IL2RA: variants seen among roughly 807,000 people sequenced by gnomAD.
The protein encoded by IL2RA is interleukin 2 receptor subunit alpha.
Under a neutral mutation model 37.8 loss-of-function variants are expected in IL2RA, and 24 were observed. The observed-to-expected ratio is 0.63, with a 90% CI of 0.46 to 0.89. The LOEUF (loss-of-function observed/expected upper bound fraction) is 0.89, where lower values mean the gene tolerates loss of function less well. IL2RA is among the 40% of genes least tolerant of loss of function. The pLI, the probability that IL2RA is intolerant of heterozygous loss-of-function variation, is 0.00. For synonymous variants in IL2RA, 125 were observed against 114.6 expected (o/e 1.09, Z -0.58); for missense variants, 319 against 348.6 (o/e 0.92, Z 0.68).
chr10:6,019,312 CAGTCAACCAACT>C, intron 6 of IL2RA, 104 bp downstream of exon 6: 1 of 811,436 alleles, frequency 1.2e-6, no homozygotes, highest in South Asian at 1.3e-5. Context: ...ATCAACCTAC[CAGTCAACCAACT>C]AACCAACCTA....
Position 6,010,995 on chromosome 10 carries a change from G to A in IL2RA, c.*1877C>T, listed in dbSNP as rs1000912499. The A allele has an allele frequency of 4.6e-5, 7 of 152,298 alleles. No homozygotes were observed. The highest frequency in any genetic ancestry group is 1.7e-4 in the African/African-American group (7 of 41,432). 9.4% of individuals were successfully genotyped at this position (152,298 alleles called of 1,614,324 possible). On this transcript the variant is annotated 3_prime_UTR_variant, in exon 8 of 8. Transcript: ENST00000379959. ...CTCAGAAAACATATACCTGAAGGGG[G>A]AGGGGGAGAGTGCACAGATGAGTCT...
Position 6,021,370 on chromosome 10 carries a change from G to A in IL2RA, c.583+108C>T. On this transcript the variant is annotated intron_variant, in intron 4 of 7. Transcript: ENST00000379959. This position sits in a 1 kb window ranked among gnomAD's most constrained non-coding sequence, Gnocchi z 4.9. ...AAATGGAAGCCCAGGGAGATCAAGG[G>A]TCTTGTCCAAGGACCACTCTTGTCC... 2 of 946,720 alleles carry A rather than the reference G, an allele frequency of 2.1e-6. No individual in the cohort carries two copies. Among genetic ancestry groups the A allele is most frequent in the Non-Finnish European group, 1.7e-6 (1 of 578,508 alleles). 58.6% of individuals were successfully genotyped at this position (946,720 alleles called of 1,614,324 possible).
At chr10:6,027,778 CCTT>C (rs1839508957) in intron 1 of IL2RA, among the ~76,000 whole-genome samples, 1 of 152,122 alleles carries the variant, frequency 6.6e-6, no homozygotes, top group Admixed American at 6.5e-5. Context: ...TTTACCTTAA[CCTT>C]TAACTCCTGC....
Position 6,019,270 on chromosome 10 carries a change from A to G in IL2RA, c.727+158T>C, listed in dbSNP as rs117380338. Among the ~76,000 whole-genome samples the G allele has an allele frequency of 8.9e-4, 136 of 152,218 alleles. No individual in the cohort carries two copies. The East Asian group carries it at 0.02, about 22-fold the overall frequency. On this transcript the variant is annotated intron_variant, in intron 6 of 7. Coordinates refer to ENST00000379959, the MANE Select transcript of IL2RA (RefSeq NM_000417.3). ...AACCAACTAACCTCCCAACCTACGAACCAACTTACCAATCAACTAGCCAAC... is the reference window on the plus strand; with the variant it reads ...AACCAACTAACCTCCCAACCTACGAGCCAACTTACCAATCAACTAGCCAAC...
intron 1 of IL2RA, among the ~76,000 whole-genome samples, chr10:6,045,416 C>T (rs560013536): frequency 6.6e-6 from 1 of 152,066 alleles, no homozygotes; most frequent in Admixed American, 6.5e-5. Context: ...AAGCAGCTGC[C>T]GCTAAACCAT....
At chr10:6,059,824 G>C (rs756228364) in intron 1 of IL2RA, among the ~76,000 whole-genome samples, 2 of 152,040 alleles carry the variant, frequency 1.3e-5, no homozygotes, top group South Asian at 4.2e-4. Context: ...ATAGCCCAAC[G>C]CTCCGTAGAT....
rs993703560 is a variant in IL2RA, at chr10:6,018,562, T to C, written c.728-443A>G. 6.6e-6 allele frequency among the ~76,000 whole-genome samples: 1 copy of C among 152,316 alleles called. No homozygotes were observed. The highest frequency in any genetic ancestry group is 2.4e-5 in the African/African-American group (1 of 41,558). ...TCTAGGCAGATGCAGACTCAGAGTCTGTTTTTCCCTCCTACCAGGAAACAA... is the reference window on the plus strand; with the variant it reads ...TCTAGGCAGATGCAGACTCAGAGTCCGTTTTTCCCTCCTACCAGGAAACAA... On this transcript the variant is annotated intron_variant, in intron 6 of 7. Coordinates refer to ENST00000379959, the MANE Select transcript of IL2RA (RefSeq NM_000417.3). This position sits in a 1 kb window ranked among gnomAD's most constrained non-coding sequence, Gnocchi z 5.1.
chr10:6,022,736 T>C lies in IL2RA; in HGVS notation c.368-1043A>G, dbSNP rs1839407750. On this transcript the variant is annotated intron_variant, in intron 3 of 7. Coordinates refer to ENST00000379959, the MANE Select transcript of IL2RA (RefSeq NM_000417.3). The surrounding 1 kb of genome is among the most constrained non-coding windows in gnomAD (Gnocchi z 4.7). ...TCGTAACTGTCTGAACATGTTTGAATTGGGTTTGCTTCTTTCCAATGAAAA... is the reference window on the plus strand; with the variant it reads ...TCGTAACTGTCTGAACATGTTTGAACTGGGTTTGCTTCTTTCCAATGAAAA... Among the ~76,000 whole-genome samples, 1 of 152,260 alleles carries C rather than the reference T, an allele frequency of 6.6e-6. No homozygotes were observed. Among genetic ancestry groups the C allele is most frequent in the Non-Finnish European group, 1.5e-5 (1 of 68,042 alleles).
In IL2RA at chr10:6,051,494, AATATAT is replaced by A. The variant is rs34016017; in HGVS notation, c.64+10588_64+10593del. On this transcript the variant is annotated intron_variant, in intron 1 of 7. Transcript: ENST00000379959. ...ATTTCATGAGGAGAAAATACACACA[AATATAT>A]ATATATATATATATATATTTTTTTT... Among the ~76,000 whole-genome samples, 557 of 81,942 alleles carry A rather than the reference AATATAT, an allele frequency of 6.8e-3. 2 individuals are homozygous for A. The highest frequency in any genetic ancestry group is 0.027 in the Middle Eastern group (4 of 150). 53.8% of individuals were successfully genotyped at this position (81,942 alleles called of 152,430 possible).
rs1216451563 is a variant in IL2RA at position 6,047,243 on chromosome 10, GC to G, written c.64+14844del. Among the ~76,000 whole-genome samples, 1 of 152,202 alleles carries G rather than the reference GC, an allele frequency of 6.6e-6. No individual in the cohort carries two copies. The highest frequency in any genetic ancestry group is 1.5e-5 in the Non-Finnish European group (1 of 68,034). On this transcript the variant is annotated intron_variant, in intron 1 of 7. Coordinates refer to ENST00000379959, the MANE Select transcript of IL2RA (RefSeq NM_000417.3). The surrounding 1 kb of genome is among the most constrained non-coding windows in gnomAD (Gnocchi z 5.0). ...CCAAGGAACAACCCCCATGCCAACAGCACTCCATCCCGACCTCATACCATGT... is the reference window on the plus strand; with the variant it reads ...CCAAGGAACAACCCCCATGCCAACAGACTCCATCCCGACCTCATACCATGT...
At position 6,033,527 on chromosome 10, in the gene IL2RA, C is replaced by A. The variant is rs1839634619; in HGVS notation, c.65-7502G>T. 6.6e-6 allele frequency among the ~76,000 whole-genome samples: 1 copy of A among 151,886 alleles called. No homozygotes were observed. The highest frequency in any genetic ancestry group is 1.5e-5 in the Non-Finnish European group (1 of 67,982). On this transcript the variant is annotated intron_variant, in intron 1 of 7. Transcript: ENST00000379959. The surrounding 1 kb of genome is among the most constrained non-coding windows in gnomAD (Gnocchi z 4.3). ...ACATAGTAGCTTTATTAATAATAACCAACTCAATAATTCAAACATCCATCA... is the reference window on the plus strand; with the variant it reads ...ACATAGTAGCTTTATTAATAATAACAAACTCAATAATTCAAACATCCATCA...
Position 6,047,543 on chromosome 10 carries a change from A to G in IL2RA, c.64+14545T>C, listed in dbSNP as rs1839884646. Among the ~76,000 whole-genome samples the G allele has an allele frequency of 6.6e-6, 1 of 152,186 alleles. No individual in the cohort carries two copies. Among genetic ancestry groups the G allele is most frequent in the African/African-American group, 2.4e-5 (1 of 41,440 alleles). On this transcript the variant is annotated intron_variant, in intron 1 of 7. Coordinates refer to ENST00000379959, the MANE Select transcript of IL2RA (RefSeq NM_000417.3). The surrounding 1 kb of genome is among the most constrained non-coding windows in gnomAD (Gnocchi z 5.0). ...CGAACACACAGGAGAGCTCACACGC[A>G]CAAATGTTCTCGGCTTCCCAGACAC... is the stretch of plus-strand genomic sequence containing the variant.
chr10:6,049,100 C>A (rs761451609), intron 1 of IL2RA, among the ~76,000 whole-genome samples: 1 of 152,162 alleles, frequency 6.6e-6, no homozygotes, highest in Non-Finnish European at 1.5e-5. Flanking sequence ...TGAGAAGTCC[C>A]ACAATATGCC....
intron 1 of IL2RA, among the ~76,000 whole-genome samples, chr10:6,050,962 C>T (rs1437463087): frequency 6.6e-6 from 1 of 152,140 alleles, no homozygotes; most frequent in Non-Finnish European, 1.5e-5. Flanking sequence ...ATCAACATCT[C>T]CAGCCAAAAG....
rs1840011359 is a variant in IL2RA at position 6,054,450 on chromosome 10, G to A, written c.64+7638C>T. Among the ~76,000 whole-genome samples, 1 of 152,230 alleles carries A rather than the reference G, an allele frequency of 6.6e-6. No homozygotes were observed. The highest frequency in any genetic ancestry group is 2.1e-4 in the South Asian group (1 of 4,836). On this transcript the variant is annotated intron_variant, in intron 1 of 7. Coordinates refer to ENST00000379959, the MANE Select transcript of IL2RA (RefSeq NM_000417.3). This position sits in a 1 kb window ranked among gnomAD's most constrained non-coding sequence, Gnocchi z 4.5. ...CACCTGTAGACACTGCAGGGTTGAA[G>A]CTGGGGGAGAAGCACTCACATGCTG...
At chr10:6,045,101 G>C (rs908057751) in intron 1 of IL2RA, among the ~76,000 whole-genome samples, 3 of 152,312 alleles carry the variant, frequency 2.0e-5, no homozygotes, top group African/African-American at 7.2e-5. Context: ...AGGAGACCTT[G>C]GCTTCAAGGA....
chr10:6,038,229 C>A (rs1263468332), intron 1 of IL2RA, among the ~76,000 whole-genome samples: 4 of 152,172 alleles, frequency 2.6e-5, no homozygotes, highest in Non-Finnish European at 4.4e-5. Flanking sequence ...CAGGAAGGAG[C>A]GTGCTTTTCA....
intron 1 of IL2RA, among the ~76,000 whole-genome samples, chr10:6,059,815 T>G (rs1588328655): frequency 6.6e-6 from 1 of 152,330 alleles, no homozygotes; most frequent in African/African-American, 2.4e-5. Context: ...CCTTCTCTGA[T>G]AGCCCAACGC....
At chr10:6,031,411 G>A (rs6602379) in intron 1 of IL2RA, among the ~76,000 whole-genome samples, 92,196 of 131,422 alleles carry the variant, frequency 0.7, 33,132 homozygotes, top group East Asian at 0.91. Context: ...CTGCAAAATG[G>A]CTACCAGAAT....
Sources: gnomAD v4.1 joint callset for allele counts (sites outside exome capture counted in the v4.1 genomes callset) on GRCh38, gnomAD v4.1.1 for gene constraint, Gnocchi (gnomAD v3.1) non-coding constraint, MANE v1.5 for transcripts, NCBI Gene and HGNC (gene_info 2026-07-23, HGNC 2026-07-21) for gene names.